The following DGCR8 variants were observed in gnomAD, a reference collection of about 807,000 sequenced individuals.
DGCR8 encodes the protein DGCR8 microprocessor complex subunit.
A neutral mutation model predicts 78.5 loss-of-function variants in DGCR8; 14 were observed. That is an observed-to-expected ratio of 0.18 (90% CI 0.12 to 0.28). The LOEUF (loss-of-function observed/expected upper bound fraction) is 0.28, where lower values mean the gene tolerates loss of function less well. DGCR8 is among the 10% of genes least tolerant of loss of function. The pLI is 1.00. For missense variants in DGCR8, 702 were observed against 1,022.5 expected (o/e 0.69, Z 4.28); for synonymous variants, 399 against 402.4 (o/e 0.99, Z 0.10).
At position 20,085,196 on chromosome 22, in the gene DGCR8, T is replaced by G; in HGVS notation, c.-277-491T>G. 8 of 246,482 alleles carry G rather than the reference T, an allele frequency of 3.2e-5. No individual in the cohort carries two copies. The highest frequency in any genetic ancestry group is 4.5e-5 in the Non-Finnish European group (7 of 154,334). 15.3% of individuals were successfully genotyped at this position (246,482 alleles called of 1,614,324 possible). On this transcript the variant is annotated intron_variant, in intron 1 of 13. Coordinates refer to ENST00000351989, the MANE Select transcript of DGCR8 (RefSeq NM_022720.7). This position sits in a 1 kb window ranked among gnomAD's most constrained non-coding sequence, Gnocchi z 6.2. ...CCCTGGGTAGCAGAGCGCCTGGCCA[T>G]GCCTCTGAGGCCCCTAGTGCCGCAG...
chr22:20,111,435 A>G lies in DGCR8; in HGVS notation c.*1327A>G. On this transcript the variant is annotated 3_prime_UTR_variant, in exon 14 of 14. Transcript: ENST00000351989. Reference sequence around the variant, plus strand: ...GCCCACAACATATCCTTCCCTCACTACCTGTGTGACCAAGGTTGGCTTCTG... The same window carrying G: ...GCCCACAACATATCCTTCCCTCACTGCCTGTGTGACCAAGGTTGGCTTCTG... The G allele has an allele frequency of 5.1e-6, 2 of 395,054 alleles. No homozygotes were observed. The highest frequency in any genetic ancestry group is 8.9e-6 in the Non-Finnish European group (2 of 225,450). 24.5% of individuals were successfully genotyped at this position (395,054 alleles called of 1,614,324 possible).
rs2049490397 is a variant in DGCR8 at position 20,086,833 on chromosome 22, A to G, written c.720+150A>G. 9.7e-7 allele frequency: 1 copy of G among 1,026,384 alleles called. No homozygotes were observed. Among genetic ancestry groups the G allele is most frequent in the East Asian group, 2.5e-5 (1 of 40,028 alleles). The allele number at this position is 1,026,384 out of a possible 1,614,324, so 63.6% of individuals were successfully genotyped here. Reference sequence around the variant, plus strand: ...AGGTGGAATAATGTTAATGTGGAGAAGAGAAAGATGTAAGGAGTCCAGATT... The same window carrying G: ...AGGTGGAATAATGTTAATGTGGAGAGGAGAAAGATGTAAGGAGTCCAGATT... On this transcript the variant is annotated intron_variant, in intron 2 of 13. Transcript: ENST00000351989. This position sits in a 1 kb window ranked among gnomAD's most constrained non-coding sequence, Gnocchi z 6.4.
At chr22:20,101,717 C>G in intron 9 of DGCR8, 2 of 985,346 alleles carry the variant, frequency 2.0e-6, no homozygotes, top group Non-Finnish European at 2.4e-6. Context: ...TGGGAAGTTT[C>G]TATTTGCTGG....
intron 9 of DGCR8, among the ~76,000 whole-genome samples, chr22:20,100,042 G>A (rs562157229): frequency 6.6e-6 from 1 of 152,290 alleles, no homozygotes; most frequent in South Asian, 2.1e-4. Context: ...CAGTCTCCAA[G>A]TACTAGCTGT....
chr22:20,109,927 C>T (rs912448923), intron 13 of DGCR8, 98 bp from the exon 14 acceptor site: 3 of 1,228,314 alleles, frequency 2.4e-6, no homozygotes, highest in Non-Finnish European at 3.5e-6. Context: ...TCCAGGGCCT[C>T]CTGGCATGAT....
rs201043772 is a variant in DGCR8, at chr22:20,091,985, C to A, written c.1606+15C>A. The A allele has an allele frequency of 1.3e-6, 2 of 1,598,892 alleles. No homozygotes were observed. The highest frequency in any genetic ancestry group is 2.7e-5 in the African/African-American group (2 of 74,646). On this transcript the variant is annotated intron_variant, in intron 7 of 13. Coordinates refer to ENST00000351989, the MANE Select transcript of DGCR8 (RefSeq NM_022720.7). ...CTTTGAATGTGGTAAGTCTAACCTT[C>A]CCCATTTCAGTCCTAAAGAATCACA...
Position 20,087,773 on chromosome 22 carries a change from A to G in DGCR8, c.880+452A>G, listed in dbSNP as rs1019656858. ...TGGTGTTACCTGATTTTTGTTTAAC[A>G]ACATGGCTTCTGGGCCACAGCATGG... On this transcript the variant is annotated intron_variant, in intron 3 of 13. Transcript: ENST00000351989. The surrounding 1 kb of genome is among the most constrained non-coding windows in gnomAD (Gnocchi z 4.1). Among the ~76,000 whole-genome samples the G allele has an allele frequency of 6.6e-6, 1 of 152,176 alleles. No individual in the cohort carries two copies. The highest frequency in any genetic ancestry group is 1.5e-5 in the Non-Finnish European group (1 of 68,022).
rs369018600 is a variant in DGCR8 at position 20,091,467 on chromosome 22, C to G, written c.1339C>G (p.Arg447Gly). The G allele has an allele frequency of 6.2e-7, 1 of 1,614,076 alleles. No homozygotes were observed. Among genetic ancestry groups the G allele is most frequent in the Non-Finnish European group, 8.5e-7 (1 of 1,180,052 alleles). Residue 447 changes from arginine to glycine, a missense_variant, in exon 6 of 14, where the codon CGT becomes GGT. Physicochemically the swap from Arg to Gly is moderately radical, Grantham distance 125. Coordinates refer to ENST00000351989, the MANE Select transcript of DGCR8 (RefSeq NM_022720.7). Reference sequence around the variant, plus strand: ...GGAATTTCGAAGCTACCTGGAGAAGCGTTTTGACTTTGAGCAAGTTACTGT... The same window carrying G: ...GGAATTTCGAAGCTACCTGGAGAAGGGTTTTGACTTTGAGCAAGTTACTGT... The part of the protein sequence containing the change: ...LEEFRSYLEK[R>G]FDFEQVTVKK...
intron 13 of DGCR8, among the ~76,000 whole-genome samples, 155 bp from the exon 14 acceptor site, chr22:20,109,870 C>G (rs2049814389): frequency 6.6e-6 from 1 of 152,224 alleles, no homozygotes; most frequent in Admixed American, 6.5e-5. Context: ...CCCAGGCCTT[C>G]CCTGCTCCTC....
chr22:20,103,379 G>C (rs1241967667), intron 9 of DGCR8, among the ~76,000 whole-genome samples: 1 of 152,152 alleles, frequency 6.6e-6, no homozygotes, highest in East Asian at 1.9e-4. Flanking sequence ...GTGATGAATA[G>C]TACCTTAGTT....
intron 9 of DGCR8, chr22:20,100,396 G>A (rs988092252): frequency 3.0e-6 from 3 of 985,238 alleles, no homozygotes; most frequent in South Asian, 4.7e-5. Context: ...TGACCCAACC[G>A]TGGGAAATAT....
intron 7 of DGCR8, among the ~76,000 whole-genome samples, chr22:20,092,211 C>T (rs1259646339): frequency 6.6e-6 from 1 of 152,188 alleles, no homozygotes; most frequent in Non-Finnish European, 1.5e-5. Context: ...TGTCCTGCCC[C>T]ATCTGCCTTG....
At chr22:20,095,325 C>T (rs530913401) in intron 9 of DGCR8, among the ~76,000 whole-genome samples, 59 of 152,256 alleles carry the variant, frequency 3.9e-4, no homozygotes, top group African/African-American at 1.9e-4. Context: ...AGGCTGGTCT[C>T]GAACTCCTGA....
In DGCR8 at chr22:20,107,239, C is replaced by A. The variant is rs199660716; in HGVS notation, c.1997-32C>A. ...CCCATGAGCACTGGGTGTTTGTGAC[C>A]CCCTCTCCATGCTTGCTCTTTCTCT... is the stretch of plus-strand genomic sequence containing the variant. On this transcript the variant is annotated intron_variant, in intron 11 of 13. Transcript: ENST00000351989. 31 of 1,613,840 alleles carry A rather than the reference C, an allele frequency of 1.9e-5. No homozygotes were observed. In the African/African-American group the frequency reaches 3.9e-4, roughly 20 times the overall value.
rs2049850452 is a variant in DGCR8, at chr22:20,111,706, G to GCCCGCCCCCCCCC, written c.*1601_*1602insGCCCCCCCCCCCC. 1.6e-5 allele frequency: 1 copy of GCCCGCCCCCCCCC among 63,028 alleles called. No homozygotes were observed. The highest frequency in any genetic ancestry group is 3.0e-5 in the Non-Finnish European group (1 of 33,564). The allele number at this position is 63,028 out of a possible 1,614,324, so 3.9% of individuals were successfully genotyped here. A position where few individuals can be genotyped will look rare whatever the true frequency, so the allele number is the denominator to read the frequency against. ...TGCCATACTCTTGTGGTCTCTGTGC[G>GCCCGCCCCCCCCC]CCCCCCCCCCCCCCCCACCCGTCTG... On this transcript the variant is annotated 3_prime_UTR_variant, in exon 14 of 14. Transcript: ENST00000351989.
rs757404108 is a variant in DGCR8, at chr22:20,106,130, GC to G, written c.1789-45del. ...CAACCGCAGGCCCAGCCATGAAGAG[GC>G]CGGTGGGCCTGGTGGGGACTCACAA... On this transcript the variant is annotated intron_variant, in intron 9 of 13. Coordinates refer to ENST00000351989, the MANE Select transcript of DGCR8 (RefSeq NM_022720.7). The G allele has an allele frequency of 2.0e-6, 3 of 1,537,344 alleles. No homozygotes were observed. In the Admixed American group the frequency reaches 5.0e-5, roughly 26 times the overall value.
Position 20,086,785 on chromosome 22 carries a change from A to AC in DGCR8, c.720+102_720+103insC. The stretch of plus-strand genomic sequence containing the variant: ...AAGCAGGGAAATTAAAAAAAAAAAA[A>AC]ACAAAAACCAAAATCCCCTCTGAGG... On this transcript the variant is annotated intron_variant, in intron 2 of 13. Transcript: ENST00000351989. The surrounding 1 kb of genome is among the most constrained non-coding windows in gnomAD (Gnocchi z 6.4). The AC allele has an allele frequency of 1.5e-6, 2 of 1,339,752 alleles. No homozygotes were observed. Among genetic ancestry groups the AC allele is most frequent in the Non-Finnish European group, 2.0e-6 (2 of 992,292 alleles). The allele number at this position is 1,339,752 out of a possible 1,614,324, so 83.0% of individuals were successfully genotyped here.
chr22:20,110,051 G>A lies in DGCR8; in HGVS notation c.2265G>A (p.Met755Ile), dbSNP rs1336661948. Residue 755 changes from methionine to isoleucine, a missense_variant, in exon 14 of 14, where the codon ATG becomes ATA. Around this residue, in one of 4 missense-constraint regions of DGCR8, gnomAD observed 225 missense variants for 427.7 expected, o/e 0.53. Coordinates refer to ENST00000351989, the MANE Select transcript of DGCR8 (RefSeq NM_022720.7). ...EREETRKKPK[M>I]SIVASAQPGG... The stretch of plus-strand genomic sequence containing the variant: ...AGGAGACTCGAAAGAAGCCCAAGAT[G>A]TCCATTGTGGCGTCCGCCCAGCCTG... 1.9e-6 allele frequency: 3 copies of A among 1,613,612 alleles called. No homozygotes were observed. The highest frequency in any genetic ancestry group is 2.2e-5 in the East Asian group (1 of 44,892).
At position 20,089,431 on chromosome 22, in the gene DGCR8, T is replaced by C. The variant is rs1381468113; in HGVS notation, c.881-238T>C. ...CTGGGACTTATATCTTGCACAGACC[T>C]GTTCTGTGCTCCTTCATGTGCTGGT... On this transcript the variant is annotated intron_variant, in intron 3 of 13. Coordinates refer to ENST00000351989, the MANE Select transcript of DGCR8 (RefSeq NM_022720.7). The surrounding 1 kb of genome is among the most constrained non-coding windows in gnomAD (Gnocchi z 4.9). Among the ~76,000 whole-genome samples the C allele has an allele frequency of 6.6e-6, 1 of 152,198 alleles. No individual in the cohort carries two copies. Among genetic ancestry groups the C allele is most frequent in the Non-Finnish European group, 1.5e-5 (1 of 68,042 alleles).
Sources: allele counts gnomAD v4.1 joint callset (sites outside exome capture counted in the v4.1 genomes callset), GRCh38; gene constraint gnomAD v4.1.1; regional missense constraint gnomAD v4.1.1; non-coding constraint Gnocchi (gnomAD v3.1); transcripts MANE v1.5; gene names NCBI Gene and HGNC (gene_info 2026-07-23, HGNC 2026-07-21).